The following LRMDA variants were observed in gnomAD, a reference collection of about 807,000 sequenced individuals.
LRMDA encodes the protein leucine-rich melanocyte differentiation-associated protein.
LRMDA carries 18 observed loss-of-function variants against 29.8 expected under a neutral mutation model. The observed-to-expected ratio is 0.60, with a 90% CI of 0.42 to 0.90. The LOEUF is 0.90. Among genes scored for constraint, LRMDA ranks in the 40% least tolerant of loss-of-function variants. The probability of loss-of-function intolerance (pLI) is 0.00; values close to 1 mark genes in which losing one functional copy is unlikely to be tolerated. For missense variants in LRMDA, 273 were observed against 273.9 expected (o/e 1.00, Z 0.02); for synonymous variants, 125 against 109.4 (o/e 1.14, Z -0.89).
At chr10:76,487,628 T>G (rs1308037036) in intron 6 of LRMDA, among the ~76,000 whole-genome samples, 1 of 151,770 alleles carries the variant, frequency 6.6e-6, no homozygotes, top group Admixed American at 6.6e-5. Context: ...TAAGGTAGGG[T>G]TAGTATAAGA....
intron 6 of LRMDA, among the ~76,000 whole-genome samples, chr10:76,537,071 T>C (rs1476423071): frequency 6.6e-6 from 1 of 152,246 alleles, no homozygotes; most frequent in Non-Finnish European, 1.5e-5. Context: ...ATGTATCAAA[T>C]AATTACTATC....
chr10:75,762,775 TGTTA>T (rs1843114205), intron 2 of LRMDA, among the ~76,000 whole-genome samples: 4 of 152,300 alleles, frequency 2.6e-5, no homozygotes, highest in Admixed American at 6.5e-5. Flanking sequence ...CCTCGATAGA[TGTTA>T]GTTATTATTA....
At chr10:76,235,722 C>T (rs977839600) in intron 5 of LRMDA, among the ~76,000 whole-genome samples, 1 of 152,024 alleles carries the variant, frequency 6.6e-6, no homozygotes, top group African/African-American at 2.4e-5. Context: ...TGGGGGCTGG[C>T]AGGGACATGA....
chr10:76,326,114 G>C (rs1840830764), intron 6 of LRMDA, among the ~76,000 whole-genome samples: 1 of 152,138 alleles, frequency 6.6e-6, no homozygotes, highest in African/African-American at 2.4e-5. Context: ...GTGCTGACTT[G>C]GTTGTTGATA....
chr10:75,594,739 T>C (rs1296365231), intron 2 of LRMDA, among the ~76,000 whole-genome samples: 1 of 152,216 alleles, frequency 6.6e-6, no homozygotes, highest in Non-Finnish European at 1.5e-5. Context: ...CAGTGACTGA[T>C]GTCTGGAAGG....
At chr10:75,667,346 C>A (rs112697597) in intron 2 of LRMDA, among the ~76,000 whole-genome samples, 1 of 152,014 alleles carries the variant, frequency 6.6e-6, no homozygotes, top group African/African-American at 2.4e-5. Context: ...ACTTTGTTAC[C>A]TAGGCTGGAG....
chr10:75,765,760 C>T (rs550886006), intron 2 of LRMDA, among the ~76,000 whole-genome samples: 2 of 151,974 alleles, frequency 1.3e-5, no homozygotes, highest in East Asian at 1.9e-4. Context: ...GAGCCACCTT[C>T]GCCTCTTCCC....
At chr10:76,062,656 CTG>C (rs376071517) in intron 5 of LRMDA, among the ~76,000 whole-genome samples, 51,764 of 139,046 alleles carry the variant, frequency 0.37, 9,041 homozygotes, top group East Asian at 0.56. Context: ...CTTTATCTCT[CTG>C]TGTGTGTGTG....
chr10:76,342,411 T>C (rs1382790114), intron 6 of LRMDA, among the ~76,000 whole-genome samples: 1 of 152,090 alleles, frequency 6.6e-6, no homozygotes, highest in Non-Finnish European at 1.5e-5. Context: ...TAGCTTGAAG[T>C]ACATATATTA....
intron 5 of LRMDA, among the ~76,000 whole-genome samples, chr10:76,166,522 A>C (rs11001652): frequency 6.6e-6 from 1 of 151,850 alleles, no homozygotes; most frequent in South Asian, 2.1e-4. Context: ...TTATGTGTCC[A>C]TGTGTTCTCA....
intron 5 of LRMDA, among the ~76,000 whole-genome samples, chr10:76,229,686 A>G (rs953650194): frequency 6.6e-6 from 1 of 152,032 alleles, no homozygotes; most frequent in African/African-American, 2.4e-5. Context: ...TACTCAGCAT[A>G]TCAACACCCC....
At chr10:76,110,865 G>C (rs1462629649) in intron 5 of LRMDA, among the ~76,000 whole-genome samples, 2 of 152,062 alleles carry the variant, frequency 1.3e-5, no homozygotes, top group Non-Finnish European at 2.9e-5. Flanking sequence ...ATAGGGTAAA[G>C]AGTGTATTCA....
chr10:76,148,071 CG>C (rs1343321770), intron 5 of LRMDA, among the ~76,000 whole-genome samples: 1 of 152,128 alleles, frequency 6.6e-6, no homozygotes, highest in East Asian at 1.9e-4. Context: ...AGTACCCGGC[CG>C]TGTGAGGTGT....
At chr10:75,849,696 A>G (rs1313653186) in intron 2 of LRMDA, among the ~76,000 whole-genome samples, 3 of 152,166 alleles carry the variant, frequency 2.0e-5, no homozygotes, top group Admixed American at 2.0e-4. Context: ...GCAGCAAACC[A>G]CCATGGTACA....
intron 2 of LRMDA, among the ~76,000 whole-genome samples, chr10:75,444,158 A>G (rs1261470908): frequency 3.9e-5 from 6 of 152,040 alleles, no homozygotes; most frequent in Admixed American, 1.3e-4. Flanking sequence ...TTTTCTTCTC[A>G]TTATACGTCA....
intron 2 of LRMDA, among the ~76,000 whole-genome samples, chr10:75,737,083 ATG>A (rs1564553775): frequency 2.0e-5 from 3 of 151,174 alleles, no homozygotes; most frequent in Non-Finnish European, 4.4e-5. Context: ...ACACACGCAC[ATG>A]CATGCACACA....
intron 3 of LRMDA, among the ~76,000 whole-genome samples, chr10:76,041,721 C>T (rs1300166138): frequency 6.6e-6 from 1 of 152,104 alleles, no homozygotes; most frequent in Non-Finnish European, 1.5e-5. Context: ...TGATCTTGGG[C>T]CCTCTGCAGA....
intron 5 of LRMDA, among the ~76,000 whole-genome samples, chr10:76,151,582 A>G (rs2132166030): frequency 6.6e-6 from 1 of 152,338 alleles, no homozygotes; most frequent in South Asian, 2.1e-4. Context: ...GGAAAAAAAT[A>G]TATTTCCCTC....
At chr10:76,143,340 C>T (rs1170293214) in intron 5 of LRMDA, among the ~76,000 whole-genome samples, 1 of 152,202 alleles carries the variant, frequency 6.6e-6, no homozygotes, top group Non-Finnish European at 1.5e-5. Flanking sequence ...TCTCCACATT[C>T]TCTCCAGCAC....
Sources: gnomAD v4.1 joint callset for allele counts (sites outside exome capture counted in the v4.1 genomes callset) on GRCh38, gnomAD v4.1.1 for gene constraint, MANE v1.5 for transcripts, NCBI Gene and HGNC (gene_info 2026-07-23, HGNC 2026-07-21) for gene names.